RBFOX1: variants seen among roughly 807,000 people sequenced by gnomAD.
The protein encoded by RBFOX1 is RNA binding fox-1 homolog 1, also known as RNA binding protein fox-1 homolog 1.
RBFOX1 carries 8 observed loss-of-function variants against 57.7 expected under a neutral mutation model. That is an observed-to-expected ratio of 0.14 (90% CI 0.08 to 0.25). RBFOX1 has a LOEUF of 0.25. Ranked by LOEUF, RBFOX1 falls within the 10% of genes least tolerant of loss-of-function variation. The pLI, the probability that RBFOX1 is intolerant of heterozygous loss-of-function variation, is 1.00. For synonymous variants in RBFOX1, 326 were observed against 222.4 expected, an observed-to-expected ratio of 1.47 and a Z score of -4.15; for missense variants, 611 against 548.5, an observed-to-expected ratio of 1.11 and a Z score of -1.14.
chr16:5,300,198 A>G (rs1222846168), intron 1 of RBFOX1, among the ~76,000 whole-genome samples: 3 of 152,146 alleles, frequency 2.0e-5, no homozygotes, highest in Non-Finnish European at 2.9e-5. Flanking sequence ...GCTAGATTTG[A>G]TTTGCAAATA....
At chr16:5,283,842 C>T (rs2063329656) in intron 1 of RBFOX1, among the ~76,000 whole-genome samples, 1 of 151,970 alleles carries the variant, frequency 6.6e-6, no homozygotes, top group Admixed American at 6.6e-5. Flanking sequence ...TCAGTTAATG[C>T]TGAACTTAGT....
At chr16:5,923,586 G>C (rs557898910) in intron 4 of RBFOX1, among the ~76,000 whole-genome samples, 9 of 142,924 alleles carry the variant, frequency 6.3e-5, no homozygotes, top group Admixed American at 2.3e-4. Context: ...GTGTGGCCCA[G>C]GCTCGAATGC....
intron 2 of RBFOX1, among the ~76,000 whole-genome samples, chr16:6,539,038 A>T (rs1201130543): frequency 5.3e-5 from 8 of 151,760 alleles, no homozygotes. Flanking sequence ...GTCCTATATG[A>T]TTTGAATAAA....
chr16:6,021,497 G>A (rs4786804), intron 1 of RBFOX1, among the ~76,000 whole-genome samples: 51,568 of 152,124 alleles, frequency 0.34, 12,610 homozygotes, highest in African/African-American at 0.7. Flanking sequence ...AAGGGTAAAG[G>A]TGGTGCTGGC....
At chr16:6,817,905 C>T (rs781700130) in intron 3 of RBFOX1, among the ~76,000 whole-genome samples, 1 of 152,110 alleles carries the variant, frequency 6.6e-6, no homozygotes, top group Non-Finnish European at 1.5e-5. Context: ...TACCCTGTTC[C>T]TGGGCCATTG....
intron 3 of RBFOX1, among the ~76,000 whole-genome samples, chr16:5,707,025 C>G (rs1205967301): frequency 1.3e-5 from 2 of 152,178 alleles, no homozygotes; most frequent in African/African-American, 2.4e-5. Flanking sequence ...GGCCATCTCT[C>G]TCTCTCCACC....
intron 4 of RBFOX1, among the ~76,000 whole-genome samples, chr16:7,467,989 A>G (rs1354659705): frequency 6.6e-6 from 1 of 152,248 alleles, no homozygotes; most frequent in Non-Finnish European, 1.5e-5. Flanking sequence ...AATCCAATAC[A>G]TTCACTGCAA....
intron 4 of RBFOX1, among the ~76,000 whole-genome samples, chr16:7,196,248 T>C (rs1473704269): frequency 6.6e-6 from 1 of 152,180 alleles, no homozygotes; most frequent in Non-Finnish European, 1.5e-5. Flanking sequence ...TTAGTGCTTG[T>C]GTGCATGGTG....
intron 3 of RBFOX1, among the ~76,000 whole-genome samples, chr16:6,894,532 G>A (rs897900482): frequency 5.3e-5 from 8 of 152,106 alleles, no homozygotes; most frequent in Non-Finnish European, 1.2e-4. Context: ...CCCAACTAGA[G>A]GTACTCCCAA....
At chr16:6,899,048 G>A in intron 3 of RBFOX1, among the ~76,000 whole-genome samples, 1 of 151,646 alleles carries the variant, frequency 6.6e-6, no homozygotes, top group East Asian at 1.9e-4. Context: ...GTGTATGCAT[G>A]TGTATGTATA....
At chr16:5,405,817 C>T (rs1402585540) in intron 1 of RBFOX1, among the ~76,000 whole-genome samples, 1 of 151,978 alleles carries the variant, frequency 6.6e-6, no homozygotes, top group East Asian at 1.9e-4. Context: ...TGCTTGGGCT[C>T]CCGGGAAAAG....
intron 5 of RBFOX1, among the ~76,000 whole-genome samples, chr16:7,563,122 T>G (rs1340238616): frequency 7.9e-5 from 12 of 152,100 alleles, no homozygotes; most frequent in Admixed American, 7.9e-4. Context: ...AATATTAGAA[T>G]CCTCTTGTCT....
chr16:5,384,783 G>T (rs898256718), intron 1 of RBFOX1, among the ~76,000 whole-genome samples: 2 of 152,188 alleles, frequency 1.3e-5, no homozygotes, highest in East Asian at 1.9e-4. Context: ...CTACTCACTA[G>T]CTGCGTGACT....
intron 4 of RBFOX1, among the ~76,000 whole-genome samples, chr16:5,907,864 C>T (rs145855756): frequency 2.3e-4 from 35 of 151,944 alleles, no homozygotes; most frequent in African/African-American, 8.5e-4. Context: ...AATTCTCCTG[C>T]CTCAGCCTCC....
chr16:7,557,369 C>T (rs944604695), intron 5 of RBFOX1, among the ~76,000 whole-genome samples: 7 of 152,004 alleles, frequency 4.6e-5, no homozygotes, highest in African/African-American at 1.7e-4. Context: ...CCTGTAATCC[C>T]AGCACTTTGG....
intron 1 of RBFOX1, among the ~76,000 whole-genome samples, chr16:6,122,297 C>T (rs756848642): frequency 1.3e-5 from 2 of 151,820 alleles, no homozygotes; most frequent in Non-Finnish European, 2.9e-5. Flanking sequence ...CAGTGGGGAA[C>T]AGTCCTCAAT....
chr16:6,915,477 G>A (rs1463236018), intron 3 of RBFOX1, among the ~76,000 whole-genome samples: 1 of 151,576 alleles, frequency 6.6e-6, no homozygotes, highest in Non-Finnish European at 1.5e-5. Flanking sequence ...TTAAACAAAT[G>A]ACTTCCTACT....
chr16:6,609,866 G>A (rs2098015340), intron 2 of RBFOX1, among the ~76,000 whole-genome samples: 1 of 151,974 alleles, frequency 6.6e-6, no homozygotes, highest in South Asian at 2.1e-4. Context: ...AAAATAGCTG[G>A]GTGTGGTGGT....
intron 3 of RBFOX1, among the ~76,000 whole-genome samples, chr16:6,819,699 C>G (rs11866367): frequency 0.01 from 694 of 66,310 alleles, 12 homozygotes; most frequent in African/African-American, 0.041. Flanking sequence ...GAGTGAAACT[C>G]TGACTCAAAA....
Sources: gnomAD v4.1 joint callset for allele counts (sites outside exome capture counted in the v4.1 genomes callset) on GRCh38, gnomAD v4.1.1 for gene constraint, MANE v1.5 for transcripts, NCBI Gene and HGNC (gene_info 2026-07-23, HGNC 2026-07-21) for gene names.